The following ACO2 variants were observed in gnomAD, a reference collection of about 807,000 sequenced individuals.
The protein encoded by ACO2 is aconitate hydratase, mitochondrial.
A neutral mutation model predicts 84.5 loss-of-function variants in ACO2; 31 were observed. The ratio of observed to expected loss-of-function variants is 0.37; its 90% CI spans 0.28 to 0.50. ACO2 has a LOEUF of 0.50. Ranked by LOEUF, ACO2 falls within the 20% of genes least tolerant of loss-of-function variation. The probability of loss-of-function intolerance (pLI) is 0.97; values close to 1 mark genes in which losing one functional copy is unlikely to be tolerated. For synonymous variants in ACO2, 414 were observed against 412.7 expected, an observed-to-expected ratio of 1.00 and a Z score of -0.04; for missense variants, 685 against 1,029.3, an observed-to-expected ratio of 0.67 and a Z score of 4.58.
chr22:41,481,110 C>G (rs2038082162), intron 1 of ACO2, among the ~76,000 whole-genome samples: 1 of 152,086 alleles, frequency 6.6e-6, no homozygotes, highest in Non-Finnish European at 1.5e-5. Flanking sequence ...TTACCCTCGG[C>G]CAAAATCTCT....
intron 1 of ACO2, among the ~76,000 whole-genome samples, chr22:41,494,378 A>C (rs2066296054): frequency 1.3e-5 from 2 of 150,472 alleles, no homozygotes; most frequent in Non-Finnish European, 3.0e-5. Flanking sequence ...GAGACATCAT[A>C]GTCTTTCTTT....
chr22:41,526,638 G>T, intron 15 of ACO2, 185 bp downstream of exon 15: 1 of 580,728 alleles, frequency 1.7e-6, no homozygotes, highest in Non-Finnish European at 2.9e-6. Flanking sequence ...TGAGGCCCAG[G>T]TCCGGTGGTA....
intron 15 of ACO2, chr22:41,526,815 G>C (rs1031282908): frequency 1.6e-5 from 5 of 307,896 alleles, no homozygotes; most frequent in African/African-American, 4.3e-5. Context: ...TGAGGTGATT[G>C]GACTTTTTCT....
chr22:41,499,091 C>CAA (rs537284651), intron 1 of ACO2, among the ~76,000 whole-genome samples: 8 of 77,898 alleles, frequency 1.0e-4, no homozygotes, highest in Admixed American at 2.9e-4. Flanking sequence ...GACTCCGTCT[C>CAA]AAAAAAAAAA....
intron 1 of ACO2, among the ~76,000 whole-genome samples, chr22:41,469,698 G>A (rs942883227): frequency 6.6e-6 from 1 of 152,180 alleles, no homozygotes; most frequent in Non-Finnish European, 1.5e-5. Context: ...ATGTCGGGGA[G>A]GGGGGCGGTC....
intron 1 of ACO2, among the ~76,000 whole-genome samples, chr22:41,488,861 C>A (rs554138881): frequency 6.6e-6 from 1 of 152,284 alleles, no homozygotes; most frequent in Non-Finnish European, 1.5e-5. Context: ...TGGAGAACAT[C>A]AGGTTCAGTG....
At chr22:41,507,349 G>A (rs1360284431) in intron 2 of ACO2, among the ~76,000 whole-genome samples, 1 of 152,172 alleles carries the variant, frequency 6.6e-6, no homozygotes, top group Non-Finnish European at 1.5e-5. Context: ...ACAGAGGGAA[G>A]TAGCGAAATC....
chr22:41,511,248 T>G (rs531950836), intron 3 of ACO2, among the ~76,000 whole-genome samples: 58 of 152,342 alleles, frequency 3.8e-4, no homozygotes, highest in African/African-American at 1.3e-3. Flanking sequence ...TCTCGGCTCA[T>G]TGCATCCTTG....
At chr22:41,522,278 T>C (rs1430312149) in intron 9 of ACO2, among the ~76,000 whole-genome samples, 1 of 152,120 alleles carries the variant, frequency 6.6e-6, no homozygotes, top group Non-Finnish European at 1.5e-5. Context: ...GAGACTGCAG[T>C]GAGCAAGCCT....
At chr22:41,482,811 G>A (rs1398072649) in intron 1 of ACO2, among the ~76,000 whole-genome samples, 1 of 152,160 alleles carries the variant, frequency 6.6e-6, no homozygotes, top group Non-Finnish European at 1.5e-5. Context: ...TGTTTAGAGG[G>A]ATTAAATAAA....
At chr22:41,477,147 TATTTATTTA>T (rs2038026207) in intron 1 of ACO2, among the ~76,000 whole-genome samples, 2 of 149,226 alleles carry the variant, frequency 1.3e-5, no homozygotes, top group Admixed American at 6.7e-5. Flanking sequence ...TTTATTTATT[TATTTATTTA>T]TTTATTTATT....
At chr22:41,497,306 C>T (rs889891429) in intron 1 of ACO2, among the ~76,000 whole-genome samples, 1 of 151,848 alleles carries the variant, frequency 6.6e-6, no homozygotes, top group Admixed American at 6.6e-5. Context: ...TGACCTCAGG[C>T]GATCCACCTG....
chr22:41,471,854 A>G (rs538847526), intron 1 of ACO2, among the ~76,000 whole-genome samples: 1 of 152,334 alleles, frequency 6.6e-6, no homozygotes, highest in East Asian at 1.9e-4. Context: ...GGTTGAGAGC[A>G]TGGACTCTGG....
chr22:41,512,054 A>T lies in ACO2; in HGVS notation c.525+86A>T, dbSNP rs561305915. ...TATGGGGGGAGGGGGTTTGAGGCCC[A>T]GGGGGGCTGAGGGGAACTGGATGAC... On this transcript the variant is annotated intron_variant, in intron 4 of 17. Coordinates refer to ENST00000216254, the MANE Select transcript of ACO2 (RefSeq NM_001098.3). The T allele has an allele frequency of 1.2e-5, 11 of 926,030 alleles. No homozygotes were observed. The East Asian group carries it at 2.4e-4, about 20-fold the overall frequency. The allele number at this position is 926,030 out of a possible 1,614,324, so 57.4% of individuals were successfully genotyped here.
At chr22:41,480,158 G>A (rs1199535169) in intron 1 of ACO2, among the ~76,000 whole-genome samples, 1 of 152,212 alleles carries the variant, frequency 6.6e-6, no homozygotes, top group South Asian at 2.1e-4. Context: ...ATGGAGGTGT[G>A]GGAAGATGCT....
At chr22:41,508,926 T>A (rs2066414015) in intron 3 of ACO2, among the ~76,000 whole-genome samples, 1 of 152,092 alleles carries the variant, frequency 6.6e-6, no homozygotes, top group Non-Finnish European at 1.5e-5. Context: ...TCAGCATGGC[T>A]CAAAGCCTCC....
intron 9 of ACO2, among the ~76,000 whole-genome samples, 165 bp from the exon 10 acceptor site, chr22:41,522,665 T>C (rs1026170923): frequency 2.7e-4 from 41 of 152,198 alleles, no homozygotes; most frequent in African/African-American, 9.9e-4. Flanking sequence ...CTGTCCTTTA[T>C]TGTTGGATAT....
At chr22:41,522,012 A>T (rs895860101) in intron 9 of ACO2, among the ~76,000 whole-genome samples, 1 of 152,122 alleles carries the variant, frequency 6.6e-6, no homozygotes, top group Non-Finnish European at 1.5e-5. Flanking sequence ...ACCTCAAGTG[A>T]TCTGCCTGCC....
rs370828997 is a variant in ACO2, at chr22:41,528,660, G to A, written c.*47G>A. The A allele has an allele frequency of 1.9e-5, 31 of 1,602,030 alleles. 1 individual carries two copies. The highest frequency in any genetic ancestry group is 1.6e-4 in the African/African-American group (12 of 74,784). On this transcript the variant is annotated 3_prime_UTR_variant, in exon 18 of 18. Coordinates refer to ENST00000216254, the MANE Select transcript of ACO2 (RefSeq NM_001098.3). ...CCGCTGGCGTCAAGTTCAGCTCCACGTGTGCCATCAGTGGATCCGATCCGT... is the reference window on the plus strand; with the variant it reads ...CCGCTGGCGTCAAGTTCAGCTCCACATGTGCCATCAGTGGATCCGATCCGT...
Sources: allele counts gnomAD v4.1 joint callset (sites outside exome capture counted in the v4.1 genomes callset), GRCh38; gene constraint gnomAD v4.1.1; transcripts MANE v1.5; gene names NCBI Gene and HGNC (gene_info 2026-07-23, HGNC 2026-07-21).